Variants in KLF12 observed in about 807,000 individuals in gnomAD.
KLF12 encodes the protein Krueppel-like factor 12.
KLF12 carries 9 observed loss-of-function variants against 37.8 expected under a neutral mutation model. That is an observed-to-expected ratio of 0.24 (90% CI 0.14 to 0.42). The LOEUF is 0.42. Among genes scored for constraint, KLF12 ranks in the 10% least tolerant of loss-of-function variants. KLF12 has a pLI of 1.00. For missense variants in KLF12, 411 were observed against 516.0 expected (o/e 0.80, Z 1.97); for synonymous variants, 208 against 202.1 (o/e 1.03, Z -0.25).
intron 3 of KLF12, among the ~76,000 whole-genome samples, chr13:73,915,238 G>A (rs188618315): frequency 5.1e-4 from 77 of 152,252 alleles, no homozygotes; most frequent in African/African-American, 1.8e-3. Context: ...CTTAGGGCCC[G>A]CCCAGATAAT....
At chr13:74,140,496 A>G in the KLF12 span, among the ~76,000 whole-genome samples, 1 of 152,244 alleles carries the variant, frequency 6.6e-6, no homozygotes, top group South Asian at 2.1e-4. Context: ...AGGGAAAAAA[A>G]GCATTTTACC....
At chr13:74,152,405 A>C in the KLF12 span, among the ~76,000 whole-genome samples, 1 of 151,920 alleles carries the variant, frequency 6.6e-6, no homozygotes, top group African/African-American at 2.4e-5. Flanking sequence ...TTACCCTTTT[A>C]CCTTCAGGTT....
rs143229224 is a variant in KLF12, at chr13:73,687,490, A to C, written c.*8000T>G. The C allele has an allele frequency of 6.6e-6, 1 of 152,244 alleles. No homozygotes were observed. Among genetic ancestry groups the C allele is most frequent in the African/African-American group, 2.4e-5 (1 of 41,460 alleles). The allele number at this position is 152,244 out of a possible 1,614,324, so 9.4% of individuals were successfully genotyped here. A position where few individuals can be genotyped will look rare whatever the true frequency, so the allele number is the denominator to read the frequency against. On this transcript the variant is annotated 3_prime_UTR_variant, in exon 8 of 8. Transcript: ENST00000377669. ...ATAAAGTTTGAGGAACAAAATATACACTATATTCTGGATGTAATTACAAAA... is the reference window on the plus strand; with the variant it reads ...ATAAAGTTTGAGGAACAAAATATACCCTATATTCTGGATGTAATTACAAAA...
chr13:74,155,367 TTGTTTTTTTTC>T, the KLF12 span, among the ~76,000 whole-genome samples: 2 of 135,552 alleles, frequency 1.5e-5, no homozygotes, highest in Non-Finnish European at 3.4e-5. Flanking sequence ...GTTTTTGTTT[TTGTTTTTTTTC>T]TAGACAGGGT....
intron 1 of KLF12, among the ~76,000 whole-genome samples, chr13:74,046,338 T>A (rs1461166607): frequency 6.6e-6 from 1 of 152,156 alleles, no homozygotes; most frequent in Non-Finnish European, 1.5e-5. Context: ...TTTTAAAAAT[T>A]CCTGCCTTGC....
the KLF12 span, among the ~76,000 whole-genome samples, chr13:74,298,789 T>C: frequency 6.6e-6 from 1 of 152,200 alleles, no homozygotes; most frequent in Non-Finnish European, 1.5e-5. Flanking sequence ...TTTAGCATAT[T>C]CCTGCTTCTT....
the KLF12 span, among the ~76,000 whole-genome samples, chr13:74,175,030 T>G: frequency 6.6e-6 from 1 of 152,176 alleles, no homozygotes; most frequent in Non-Finnish European, 1.5e-5. Flanking sequence ...CAACTCACAC[T>G]GCAGATGCCA....
the KLF12 span, among the ~76,000 whole-genome samples, chr13:74,141,116 A>T: frequency 1.3e-5 from 2 of 152,156 alleles, no homozygotes; most frequent in African/African-American, 2.4e-5. Flanking sequence ...TCAGGGGTAT[A>T]GAATTGGACT....
chr13:73,933,639 G>GT (rs1178233313), intron 3 of KLF12, among the ~76,000 whole-genome samples: 1 of 152,012 alleles, frequency 6.6e-6, no homozygotes, highest in Admixed American at 6.6e-5. Flanking sequence ...AGTTTTCATT[G>GT]TAAGTATAAG....
At chr13:73,904,315 A>T (rs1460387968) in intron 3 of KLF12, among the ~76,000 whole-genome samples, 4 of 152,198 alleles carry the variant, frequency 2.6e-5, no homozygotes, top group Admixed American at 2.6e-4. Context: ...TCATGTAACA[A>T]TCATTGCCCA....
At chr13:73,888,816 C>T (rs1018065714) in intron 3 of KLF12, among the ~76,000 whole-genome samples, 5 of 152,162 alleles carry the variant, frequency 3.3e-5, no homozygotes, top group African/African-American at 4.8e-5. Context: ...CTCTATCTGC[C>T]GTGCTTCATG....
At chr13:73,709,122 T>C (rs1200776515) in intron 7 of KLF12, among the ~76,000 whole-genome samples, 2 of 152,212 alleles carry the variant, frequency 1.3e-5, no homozygotes, top group African/African-American at 4.8e-5. Context: ...TATTTTTAAT[T>C]TAGAAAGGCA....
At chr13:74,192,389 A>G in the KLF12 span, among the ~76,000 whole-genome samples, 5 of 152,232 alleles carry the variant, frequency 3.3e-5, no homozygotes, top group Admixed American at 3.3e-4. Flanking sequence ...TCCCTTTCAG[A>G]TACGACTACA....
rs772927126 is a variant in KLF12, at chr13:74,088,470, C to A, written c.-32+45269G>T. On this transcript the variant is annotated intron_variant, in intron 1 of 7. Coordinates refer to ENST00000377669, the MANE Select transcript of KLF12 (RefSeq NM_007249.5). ...CTCAAACTACTGATCTTAAGCGATCCGCCCACCACAGCTTCCCAAAGTGCT... is the reference window on the plus strand; with the variant it reads ...CTCAAACTACTGATCTTAAGCGATCAGCCCACCACAGCTTCCCAAAGTGCT... Among the ~76,000 whole-genome samples, 3 of 152,094 alleles carry A rather than the reference C, an allele frequency of 2.0e-5. No homozygotes were observed. In the South Asian group the frequency reaches 6.2e-4, roughly 32 times the overall value.
chr13:74,017,164 T>C (rs1210814912), intron 1 of KLF12, among the ~76,000 whole-genome samples: 1 of 149,168 alleles, frequency 6.7e-6, no homozygotes, highest in East Asian at 2.0e-4. Flanking sequence ...AACTCATCCA[T>C]TTGTACATTT....
chr13:74,051,331 TACACACACAAACACACACAC>T (rs1287933870), intron 1 of KLF12, among the ~76,000 whole-genome samples: 1 of 90,330 alleles, frequency 1.1e-5, no homozygotes, highest in Admixed American at 1.3e-4. Flanking sequence ...TGTGTATACA[TACACACACAAACACACACAC>T]ACACACACAC....
In KLF12 at chr13:73,798,293, G is replaced by A. The variant is rs577210229; in HGVS notation, c.806+14859C>T. 5.9e-5 allele frequency among the ~76,000 whole-genome samples: 9 copies of A among 152,218 alleles called. No individual in the cohort carries two copies. In the East Asian group the frequency reaches 1.5e-3, roughly 26 times the overall value. On this transcript the variant is annotated intron_variant, in intron 5 of 7. Transcript: ENST00000377669. Reference sequence around the variant, plus strand: ...CTGAAGATGGATTAAAGACTTAAATGTAAAGCCCCAAACTATAAAAACCTT... The same window carrying A: ...CTGAAGATGGATTAAAGACTTAAATATAAAGCCCCAAACTATAAAAACCTT...
intron 2 of KLF12, among the ~76,000 whole-genome samples, chr13:73,945,882 A>G (rs979876038): frequency 6.6e-6 from 1 of 152,198 alleles, no homozygotes; most frequent in Non-Finnish European, 1.5e-5. Context: ...ACTGTGGTAT[A>G]TTACTGGTGA....
intron 2 of KLF12, among the ~76,000 whole-genome samples, chr13:73,972,677 G>A (rs912193976): frequency 1.3e-5 from 2 of 148,522 alleles, no homozygotes; most frequent in Non-Finnish European, 3.0e-5. Context: ...ACAAATAACC[G>A]GCAGATCGAT....
Sources: gnomAD v4.1 joint callset for allele counts (sites outside exome capture counted in the v4.1 genomes callset) on GRCh38, gnomAD v4.1.1 for gene constraint, MANE v1.5 for transcripts, NCBI Gene and HGNC (gene_info 2026-07-23, HGNC 2026-07-21) for gene names.